The following CA10 variants were observed in gnomAD, a reference collection of about 807,000 sequenced individuals.
CA10 encodes the protein carbonic anhydrase 10 (inactive).
Under a neutral mutation model 44.2 loss-of-function variants are expected in CA10, and 14 were observed. The observed-to-expected ratio is 0.32, with a 90% CI of 0.21 to 0.50. The LOEUF is 0.50. Among genes scored for constraint, CA10 ranks in the 20% least tolerant of loss-of-function variants. The pLI, the probability that CA10 is intolerant of heterozygous loss-of-function variation, is 0.99. For synonymous variants in CA10, 159 were observed against 141.6 expected, an observed-to-expected ratio of 1.12 and a Z score of -0.87; for missense variants, 350 against 409.7, an observed-to-expected ratio of 0.85 and a Z score of 1.26.
chr17:52,126,089 A>G (rs1037223551), intron 1 of CA10, among the ~76,000 whole-genome samples: 2 of 152,218 alleles, frequency 1.3e-5, no homozygotes, highest in East Asian at 3.8e-4. Flanking sequence ...AGATAATCAC[A>G]TATACAATGT....
chr17:52,004,821 C>G (rs1014623323), intron 2 of CA10, among the ~76,000 whole-genome samples: 2 of 151,832 alleles, frequency 1.3e-5, no homozygotes, highest in South Asian at 4.2e-4. Context: ...AGATAACAGA[C>G]CAATCCCATC....
chr17:52,032,717 T>C (rs757971393), intron 2 of CA10, among the ~76,000 whole-genome samples: 1 of 152,130 alleles, frequency 6.6e-6, no homozygotes, highest in African/African-American at 2.4e-5. Context: ...CAAACATTTA[T>C]TGAGCAAATA....
At chr17:52,049,961 G>A (rs1052690375) in intron 2 of CA10, among the ~76,000 whole-genome samples, 3 of 152,038 alleles carry the variant, frequency 2.0e-5, no homozygotes, top group Non-Finnish European at 2.9e-5. Flanking sequence ...TCAGGACAGC[G>A]ATATATTGTG....
Position 51,986,949 on chromosome 17 carries a change from A to G in CA10, c.137-55817T>C, listed in dbSNP as rs926422593. Among the ~76,000 whole-genome samples, 2 of 152,076 alleles carry G rather than the reference A, an allele frequency of 1.3e-5. 1 individual carries two copies. The highest frequency in any genetic ancestry group is 3.9e-4 in the East Asian group (2 of 5,190). On this transcript the variant is annotated intron_variant, in intron 2 of 8. Transcript: ENST00000451037. ...ACAACCACTATGGAAAACTGTGGAGATTCCTTAAAGAACTAAAAATAGAAC... is the reference window on the plus strand; with the variant it reads ...ACAACCACTATGGAAAACTGTGGAGGTTCCTTAAAGAACTAAAAATAGAAC...
chr17:52,138,232 ATCT>A (rs1442113785), intron 1 of CA10, among the ~76,000 whole-genome samples: 4 of 152,050 alleles, frequency 2.6e-5, no homozygotes, highest in African/African-American at 7.2e-5. Context: ...CTGTTCTCAC[ATCT>A]TCTTTTTCTG....
intron 1 of CA10, among the ~76,000 whole-genome samples, chr17:52,153,197 G>A (rs1989739015): frequency 6.6e-6 from 1 of 152,072 alleles, no homozygotes; most frequent in African/African-American, 2.4e-5. Context: ...CTCACTATCT[G>A]GAGAGTTTTA....
At chr17:51,849,328 T>G (rs1978686375) in intron 3 of CA10, among the ~76,000 whole-genome samples, 1 of 148,144 alleles carries the variant, frequency 6.8e-6, no homozygotes, top group South Asian at 2.2e-4. Context: ...ATGCATCACC[T>G]ACCACAGTGC....
intron 4 of CA10, among the ~76,000 whole-genome samples, chr17:51,705,577 C>T (rs75873689): frequency 0.015 from 2,229 of 152,070 alleles, 56 homozygotes; most frequent in African/African-American, 0.051. Flanking sequence ...TCCTCATACC[C>T]GGAGATGAGG....
chr17:52,059,667 A>G (rs1342783669), intron 2 of CA10, among the ~76,000 whole-genome samples: 2 of 115,616 alleles, frequency 1.7e-5, no homozygotes, highest in African/African-American at 2.7e-5. Context: ...AACTTAAAGT[A>G]TAATAAAAAA....
intron 1 of CA10, among the ~76,000 whole-genome samples, chr17:52,079,456 CA>C (rs35048985): frequency 0.3 from 37,292 of 124,956 alleles, 9,372 homozygotes; most frequent in African/African-American, 0.69. Flanking sequence ...GAGACTCCGT[CA>C]AAAAAAAAAA....
At chr17:51,944,592 G>A (rs1983204224) in intron 2 of CA10, among the ~76,000 whole-genome samples, 1 of 152,074 alleles carries the variant, frequency 6.6e-6, no homozygotes, top group Non-Finnish European at 1.5e-5. Context: ...CTCACATAAA[G>A]AATATTGGTG....
Position 51,998,399 on chromosome 17 carries a change from G to A in CA10, c.137-67267C>T, listed in dbSNP as rs572894748. Among the ~76,000 whole-genome samples, 5 of 152,178 alleles carry A rather than the reference G, an allele frequency of 3.3e-5. No individual in the cohort carries two copies. The South Asian group carries it at 6.2e-4, about 19-fold the overall frequency. On this transcript the variant is annotated intron_variant, in intron 2 of 8. Coordinates refer to ENST00000451037, the MANE Select transcript of CA10 (RefSeq NM_020178.5). ...TTGCCCTCCTGCAGTTCTTCATGGA[G>A]TGTAGTCAGCCAAGAATAAATTTAA...
At chr17:51,700,465 CCTCCTTGGTG>C (rs1200023389) in intron 4 of CA10, among the ~76,000 whole-genome samples, 4 of 152,180 alleles carry the variant, frequency 2.6e-5, no homozygotes, top group African/African-American at 9.7e-5. Context: ...GCCACATTGG[CCTCCTTGGTG>C]CTCCTTGAAC....
At chr17:51,748,601 T>C in intron 3 of CA10, 1 of 500,830 alleles carries the variant, frequency 2.0e-6, no homozygotes, top group Non-Finnish European at 2.6e-6. Context: ...TCTACTTTCT[T>C]ACTCTCTTGG....
chr17:52,053,841 C>T (rs1227389599), intron 2 of CA10, among the ~76,000 whole-genome samples: 2 of 152,098 alleles, frequency 1.3e-5, no homozygotes, highest in Non-Finnish European at 2.9e-5. Flanking sequence ...AATCTCTGAA[C>T]ATAAATTGTG....
intron 1 of CA10, among the ~76,000 whole-genome samples, chr17:52,145,708 G>A (rs1231576228): frequency 1.3e-5 from 2 of 152,120 alleles, no homozygotes; most frequent in Admixed American, 6.5e-5. Flanking sequence ...TAGATTTTGA[G>A]GTAAACCATT....
intron 1 of CA10, among the ~76,000 whole-genome samples, chr17:52,100,952 C>T (rs1468308553): frequency 6.6e-6 from 1 of 152,182 alleles, no homozygotes; most frequent in Admixed American, 6.6e-5. Flanking sequence ...TTTTTCGCTA[C>T]TCTGACTTAC....
At position 51,633,523 on chromosome 17, in the gene CA10, T is replaced by C; in HGVS notation, c.917A>G (p.Gln306Arg). The C allele has an allele frequency of 1.2e-6, 2 of 1,614,054 alleles. No individual in the cohort carries two copies. Among genetic ancestry groups the C allele is most frequent in the Non-Finnish European group, 8.5e-7 (1 of 1,179,950 alleles). ...CIRTNINFSL[Q>R]GKDCPNNRAQ... is the part of the protein sequence containing the mutation. The stretch of plus-strand genomic sequence containing the variant: ...TCGGTTGTTTGGACAGTCCTTCCCC[T>C]GTAAACTGAAGTTGATATTGGTGCG... The change falls in exon 8 of 9, where the codon CAG becomes CGG. Residue 306 changes from glutamine (Q) to arginine (R), a missense_variant. Transcript: ENST00000451037.
chr17:51,750,949 G>A (rs1397517663), intron 3 of CA10, among the ~76,000 whole-genome samples: 2 of 152,156 alleles, frequency 1.3e-5, no homozygotes, highest in African/African-American at 2.4e-5. Flanking sequence ...CAGTACTTGG[G>A]AAACACACTG....
Sources: allele counts gnomAD v4.1 joint callset (sites outside exome capture counted in the v4.1 genomes callset), GRCh38; gene constraint gnomAD v4.1.1; transcripts MANE v1.5; gene names NCBI Gene and HGNC (gene_info 2026-07-23, HGNC 2026-07-21).